Variants in DYRK1A observed in about 807,000 individuals in gnomAD.
DYRK1A encodes the protein dual specificity tyrosine-phosphorylation-regulated kinase 1A.
Under a neutral mutation model 79.7 loss-of-function variants are expected in DYRK1A, and 9 were observed. The observed-to-expected ratio is 0.11, with a 90% CI of 0.07 to 0.20. DYRK1A has a LOEUF of 0.20. Among genes scored for constraint, DYRK1A ranks in the 10% least tolerant of loss-of-function variants. DYRK1A has a pLI of 1.00. For synonymous variants in DYRK1A, 349 were observed against 329.7 expected, an observed-to-expected ratio of 1.06 and a Z score of -0.63; for missense variants, 622 against 956.0, an observed-to-expected ratio of 0.65 and a Z score of 4.61.
At chr21:37,395,946 T>G (rs975500362) in intron 1 of DYRK1A, among the ~76,000 whole-genome samples, 4 of 152,206 alleles carry the variant, frequency 2.6e-5, no homozygotes, top group African/African-American at 9.6e-5. Context: ...TGTTAACATA[T>G]GACAAGCCAG....
chr21:37,372,279 AAAAAC>A (rs1159533764), intron 1 of DYRK1A, among the ~76,000 whole-genome samples: 2 of 101,956 alleles, frequency 2.0e-5, no homozygotes, highest in East Asian at 2.5e-4. Context: ...CCCTGTCTCA[AAAAAC>A]AAAACAAAAC....
At chr21:37,479,620 T>G (rs1209663189) in intron 4 of DYRK1A, among the ~76,000 whole-genome samples, 1 of 77,700 alleles carries the variant, frequency 1.3e-5, no homozygotes, top group Non-Finnish European at 2.3e-5. Flanking sequence ...TTGTTTTTTG[T>G]TTTTTTTTTT....
intron 11 of DYRK1A, among the ~76,000 whole-genome samples, chr21:37,511,358 G>T (rs564257555): frequency 2.3e-4 from 35 of 152,184 alleles, no homozygotes; most frequent in African/African-American, 8.2e-4. Flanking sequence ...ATGGAAACAA[G>T]GAGTTCATTT....
chr21:37,376,496 AT>A (rs927125776), intron 1 of DYRK1A, among the ~76,000 whole-genome samples: 20 of 150,644 alleles, frequency 1.3e-4, no homozygotes, highest in African/African-American at 2.2e-4. Flanking sequence ...CTTCGTCTCA[AT>A]TTTTTTTTTA....
At chr21:37,501,891 C>T (rs2053461890) in intron 9 of DYRK1A, 1 of 152,084 alleles carries the variant, frequency 6.6e-6, no homozygotes, top group South Asian at 2.1e-4. Context: ...TGTAACATTG[C>T]TTTATGGTTT....
chr21:37,493,860 C>G (rs1333750746), intron 8 of DYRK1A, among the ~76,000 whole-genome samples: 1 of 151,488 alleles, frequency 6.6e-6, no homozygotes, highest in East Asian at 1.9e-4. Context: ...GCATTAATGA[C>G]TTGTACCGGA....
chr21:37,389,924 T>TG (rs2049838201), intron 1 of DYRK1A, among the ~76,000 whole-genome samples: 1 of 148,936 alleles, frequency 6.7e-6, no homozygotes, highest in Non-Finnish European at 1.5e-5. Flanking sequence ...TTTTGTTTTT[T>TG]GTTTTTTTTT....
intron 1 of DYRK1A, among the ~76,000 whole-genome samples, chr21:37,409,946 AATG>A (rs1353697993): frequency 6.6e-6 from 1 of 152,208 alleles, no homozygotes; most frequent in Non-Finnish European, 1.5e-5. Context: ...TTTAATTTTT[AATG>A]ATAAACTTTT....
intron 1 of DYRK1A, among the ~76,000 whole-genome samples, chr21:37,371,632 A>G (rs2049431946): frequency 1.3e-5 from 2 of 152,198 alleles, no homozygotes; most frequent in African/African-American, 4.8e-5. Flanking sequence ...TACTGTTAAA[A>G]CTAGGTTTTG....
At chr21:37,490,758 A>G (rs2053063201) in intron 7 of DYRK1A, among the ~76,000 whole-genome samples, 3 of 151,962 alleles carry the variant, frequency 2.0e-5, no homozygotes, top group Non-Finnish European at 4.4e-5. Flanking sequence ...GCAAATAGCA[A>G]TACTTTGAGT....
intron 1 of DYRK1A, among the ~76,000 whole-genome samples, chr21:37,382,532 CAT>C (rs1185598266): frequency 3.9e-5 from 6 of 152,270 alleles, no homozygotes; most frequent in South Asian, 2.1e-4. Flanking sequence ...TTTCTGGTAA[CAT>C]AGGGAGTGTG....
At chr21:37,486,844 AGT>A in intron 6 of DYRK1A, 22 of 348,868 alleles carry the variant, frequency 6.3e-5, no homozygotes, top group South Asian at 1.2e-4. Context: ...AAATGAGAAT[AGT>A]GTGTGTGTGT....
At chr21:37,498,989 T>C (rs1418149239) in intron 9 of DYRK1A, among the ~76,000 whole-genome samples, 7 of 152,106 alleles carry the variant, frequency 4.6e-5, no homozygotes, top group African/African-American at 1.7e-4. Context: ...CTGGGTTGTT[T>C]AATAATTGAG....
At chr21:37,509,922 A>G (rs1243655904) in intron 11 of DYRK1A, among the ~76,000 whole-genome samples, 1 of 152,252 alleles carries the variant, frequency 6.6e-6, no homozygotes, top group Non-Finnish European at 1.5e-5. Context: ...TATGAGTAGC[A>G]CGATGAAATC....
intron 1 of DYRK1A, chr21:37,419,082 C>G (rs145243896): frequency 6.6e-6 from 1 of 152,094 alleles, no homozygotes; most frequent in Non-Finnish European, 1.5e-5. Context: ...TATATTATGA[C>G]CCACTTGTAG....
chr21:37,431,810 T>G (rs1159548621), intron 2 of DYRK1A, among the ~76,000 whole-genome samples: 1 of 152,220 alleles, frequency 6.6e-6, no homozygotes, highest in African/African-American at 2.4e-5. Context: ...TTAAGAAAGA[T>G]GACACTTACT....
At chr21:37,503,749 T>C (rs186578883) in intron 9 of DYRK1A, 27 of 152,308 alleles carry the variant, frequency 1.8e-4, no homozygotes, top group African/African-American at 6.5e-4. Context: ...AAATATAGTT[T>C]TTCTCTTCTG....
chr21:37,477,018 C>T (rs2052422997), intron 3 of DYRK1A, among the ~76,000 whole-genome samples: 1 of 152,140 alleles, frequency 6.6e-6, no homozygotes, highest in Non-Finnish European at 1.5e-5. Flanking sequence ...ACGTAAAATG[C>T]TGTAACAATT....
chr21:37,495,937 G>A (rs918800232), intron 8 of DYRK1A, among the ~76,000 whole-genome samples, 181 bp from the exon 9 acceptor site: 9 of 152,078 alleles, frequency 5.9e-5, no homozygotes, highest in Admixed American at 2.6e-4. Context: ...CCCTTCTGTG[G>A]GGTATTTGAC....
Sources: allele counts gnomAD v4.1 joint callset (sites outside exome capture counted in the v4.1 genomes callset), GRCh38; gene constraint gnomAD v4.1.1; transcripts MANE v1.5; gene names NCBI Gene and HGNC (gene_info 2026-07-23, HGNC 2026-07-21).